MAP4K4: variants seen among roughly 807,000 people sequenced by gnomAD.
MAP4K4 encodes the protein HPK/GCK-like kinase HGK.
In MAP4K4, 38 loss-of-function variants were observed where a neutral mutation model predicts 189.6. The observed-to-expected ratio is 0.20, with a 90% confidence interval of 0.15 to 0.26. The LOEUF is 0.26. Among genes scored for constraint, MAP4K4 ranks in the 10% least tolerant of loss-of-function variants. The pLI is 1.00. For missense variants in MAP4K4, 1,054 were observed against 1,726.9 expected (o/e 0.61, Z 6.91); for synonymous variants, 610 against 624.3 (o/e 0.98, Z 0.34).
intron 2 of MAP4K4, among the ~76,000 whole-genome samples, chr2:101,758,613 T>G (rs1357299507): frequency 6.6e-6 from 1 of 152,154 alleles, no homozygotes; most frequent in Non-Finnish European, 1.5e-5. Context: ...GGACTGTGTA[T>G]GAAATTTAGG....
intron 3 of MAP4K4, among the ~76,000 whole-genome samples, chr2:101,804,191 G>C (rs2094668376): frequency 6.6e-6 from 1 of 152,168 alleles, no homozygotes. Context: ...TGCACTAACA[G>C]GGAACCCAGA....
rs1345529730 is a variant in MAP4K4 at position 101,874,263 on chromosome 2, A to G, written c.3241+11A>G. 1.2e-6 allele frequency: 2 copies of G among 1,600,400 alleles called. No individual in the cohort carries two copies. Among genetic ancestry groups the G allele is most frequent in the Admixed American group, 1.7e-5 (1 of 57,898 alleles). On this transcript the variant is annotated intron_variant, in intron 26 of 32. Coordinates refer to ENST00000324219, the Ensembl canonical transcript of MAP4K4. ...GTGCTGCCTTATGGGGTAGGTGTCT[A>G]GCCACTACTCCAACACTTTCATTTT...
At chr2:101,869,533 T>C (rs1484367580) in intron 21 of MAP4K4, 89 bp from the exon 22 acceptor site, 2 of 1,005,884 alleles carry the variant, frequency 2.0e-6, no homozygotes, top group Non-Finnish European at 3.0e-6. Flanking sequence ...AAAACTGACA[T>C]TGTGGCAATT....
At chr2:101,731,486 T>C (rs1325012508) in intron 2 of MAP4K4, among the ~76,000 whole-genome samples, 4 of 151,638 alleles carry the variant, frequency 2.6e-5, no homozygotes, top group African/African-American at 9.7e-5. Context: ...GGGCTGGGGG[T>C]GGTGGCTCAC....
chr2:101,796,227 A>T (rs1337301997), intron 3 of MAP4K4, among the ~76,000 whole-genome samples: 1 of 152,140 alleles, frequency 6.6e-6, no homozygotes, highest in Non-Finnish European at 1.5e-5. Flanking sequence ...GATTCTCAAA[A>T]TGTAGCTATT....
intron 18 of MAP4K4, 45 bp from the exon 19 acceptor site, chr2:101,866,383 C>T: frequency 6.4e-7 from 1 of 1,573,446 alleles, no homozygotes; most frequent in Non-Finnish European, 8.7e-7. Flanking sequence ...GGTGCTGCAT[C>T]TAGAGATGAC....
At chr2:101,810,457 TGA>T (rs1382768576) in intron 3 of MAP4K4, among the ~76,000 whole-genome samples, 1 of 152,206 alleles carries the variant, frequency 6.6e-6, no homozygotes, top group Non-Finnish European at 1.5e-5. Context: ...TTGGACTTGG[TGA>T]GAGTCTTCCT....
intron 6 of MAP4K4, among the ~76,000 whole-genome samples, chr2:101,830,322 G>A (rs376688423): frequency 7.9e-5 from 12 of 152,188 alleles, no homozygotes; most frequent in South Asian, 4.1e-4. Context: ...AAATTTCTGC[G>A]TGGTTAGATA....
intron 2 of MAP4K4, among the ~76,000 whole-genome samples, chr2:101,774,069 T>G (rs1285218786): frequency 6.6e-6 from 1 of 152,236 alleles, no homozygotes; most frequent in Non-Finnish European, 1.5e-5. Flanking sequence ...TTCTTGTGTG[T>G]ATATACCTAG....
At chr2:101,779,158 G>C (rs1558880630) in intron 2 of MAP4K4, among the ~76,000 whole-genome samples, 1 of 152,096 alleles carries the variant, frequency 6.6e-6, no homozygotes, top group African/African-American at 2.4e-5. Context: ...TTCTTTATCG[G>C]CCCTTCCTTT....
Position 101,698,152 on chromosome 2 carries a change from G to C in MAP4K4, c.57+15G>C. 6 of 1,198,372 alleles carry C rather than the reference G, an allele frequency of 5.0e-6. No individual in the cohort carries two copies. Among genetic ancestry groups the C allele is most frequent in the Non-Finnish European group, 5.4e-6 (5 of 931,200 alleles). The allele number at this position is 1,198,372 out of a possible 1,614,324, so 74.2% of individuals were successfully genotyped here. On this transcript the variant is annotated intron_variant, in intron 1 of 32. Coordinates refer to ENST00000324219, the Ensembl canonical transcript of MAP4K4. ...CCTCCCTGCGGGTGAGTGGGCCCGC[G>C]AGCGGGCGCGCGGGGAGCGGGCAGC... is the stretch of plus-strand genomic sequence containing the variant.
intron 2 of MAP4K4, among the ~76,000 whole-genome samples, chr2:101,771,702 C>A (rs1466275471): frequency 3.9e-5 from 6 of 152,220 alleles, no homozygotes; most frequent in African/African-American, 1.4e-4. Flanking sequence ...ATGACTCCAG[C>A]AATTAATGAG....
chr2:101,788,143 C>T lies in MAP4K4; in HGVS notation c.124-2577C>T, dbSNP rs145739560. Among the ~76,000 whole-genome samples, 8 of 151,978 alleles carry T rather than the reference C, an allele frequency of 5.3e-5. 1 individual carries two copies. In the East Asian group the frequency reaches 1.6e-3, roughly 30 times the overall value. On this transcript the variant is annotated intron_variant, in intron 2 of 32. Transcript: ENST00000324219. ...ATAGAGAAGTACATTATTTTAGCACCCCATTCCCTCCCCTTATATTGGCCA... is the reference window on the plus strand; with the variant it reads ...ATAGAGAAGTACATTATTTTAGCACTCCATTCCCTCCCCTTATATTGGCCA...
At chr2:101,713,331 A>T (rs2046647433) in intron 2 of MAP4K4, among the ~76,000 whole-genome samples, 1 of 152,128 alleles carries the variant, frequency 6.6e-6, no homozygotes, top group Non-Finnish European at 1.5e-5. Flanking sequence ...GCAGTGGCTC[A>T]TTCCTGTAGT....
At chr2:101,883,351 G>A (rs1043284486) in intron 28 of MAP4K4, among the ~76,000 whole-genome samples, 6 of 150,656 alleles carry the variant, frequency 4.0e-5, no homozygotes, top group African/African-American at 1.5e-4. Context: ...TTTTTTTTGA[G>A]ATGGAGTTTT....
intron 16 of MAP4K4, among the ~76,000 whole-genome samples, chr2:101,863,582 G>A (rs533537600): frequency 6.6e-6 from 1 of 152,214 alleles, no homozygotes; most frequent in South Asian, 2.1e-4. Flanking sequence ...TGTAATGTTT[G>A]TCTGGATATT....
intron 3 of MAP4K4, among the ~76,000 whole-genome samples, chr2:101,803,005 C>T (rs1213614077): frequency 2.6e-5 from 4 of 152,130 alleles, no homozygotes; most frequent in East Asian, 3.9e-4. Flanking sequence ...AGGCTGGTCT[C>T]GAACTACTGA....
chr2:101,724,606 T>C (rs909233108), intron 2 of MAP4K4, among the ~76,000 whole-genome samples: 1 of 152,268 alleles, frequency 6.6e-6, no homozygotes, highest in African/African-American at 2.4e-5. Flanking sequence ...TGCCACACTT[T>C]GCACATTCTG....
At chr2:101,796,411 C>A (rs915403324) in intron 3 of MAP4K4, among the ~76,000 whole-genome samples, 1 of 152,198 alleles carries the variant, frequency 6.6e-6, no homozygotes, top group Non-Finnish European at 1.5e-5. Flanking sequence ...AGCCCACTCC[C>A]TTCTGTCTGT....
Sources: allele counts gnomAD v4.1 joint callset (sites outside exome capture counted in the v4.1 genomes callset), GRCh38; gene constraint gnomAD v4.1.1; transcripts MANE v1.5; gene names NCBI Gene and HGNC (gene_info 2026-07-23, HGNC 2026-07-21).